SPTLC2: variants seen among roughly 807,000 people sequenced by gnomAD.
SPTLC2 encodes the protein serine palmitoyltransferase 2.
In SPTLC2, 21 loss-of-function variants were observed where a neutral mutation model predicts 62.0. That is an observed-to-expected ratio of 0.34 (90% CI 0.24 to 0.49). The LOEUF (loss-of-function observed/expected upper bound fraction) is 0.49. Ranked by LOEUF, SPTLC2 falls within the 20% of genes least tolerant of loss-of-function variation. The pLI is 0.99. For synonymous variants in SPTLC2, 261 were observed against 261.8 expected (o/e 1.00, Z 0.03); for missense variants, 511 against 713.0 (o/e 0.72, Z 3.23).
Position 77,549,595 on chromosome 14 carries a change from T to C in SPTLC2, c.1303+2501A>G, listed in dbSNP as rs541759106. ...CTCAGTCTTTCCAGACACTTGAGTC[T>C]TCCAGGCCAGCCCCAGACAACAGAG... On this transcript the variant is annotated intron_variant, in intron 9 of 11. Transcript: ENST00000216484. Among the ~76,000 whole-genome samples the C allele has an allele frequency of 2.0e-5, 3 of 152,272 alleles. No individual in the cohort carries two copies. The East Asian group carries it at 5.8e-4, about 29-fold the overall frequency.
chr14:77,578,945 C>A lies in SPTLC2; in HGVS notation c.482+10G>T. 1 of 1,613,840 alleles carries A rather than the reference C, an allele frequency of 6.2e-7. No homozygotes were observed. The highest frequency in any genetic ancestry group is 1.1e-5 in the South Asian group (1 of 91,052). ...AATTGTTGTCAAATAATTTCCCAAC[C>A]AAGACTCACTTGAAGGACCAGTTAT... On this transcript the variant is annotated intron_variant, in intron 3 of 11. Transcript: ENST00000216484.
chr14:77,513,958 T>C (rs569902263), intron 11 of SPTLC2, among the ~76,000 whole-genome samples: 21 of 151,042 alleles, frequency 1.4e-4, no homozygotes, highest in African/African-American at 5.1e-4. Context: ...CACAGCACTT[T>C]GGGAGGCCAA....
intron 11 of SPTLC2, 21 bp downstream of exon 11, chr14:77,518,017 A>T: frequency 6.2e-7 from 1 of 1,614,136 alleles, no homozygotes; most frequent in East Asian, 2.2e-5. Context: ...TATTTATATC[A>T]AGGTGAAAGT....
At chr14:77,577,767 G>A (rs2079724824) in intron 3 of SPTLC2, among the ~76,000 whole-genome samples, 1 of 152,158 alleles carries the variant, frequency 6.6e-6, no homozygotes, top group African/African-American at 2.4e-5. Flanking sequence ...GGGTGTGGTG[G>A]CAGGAGCCTG....
chr14:77,583,976 G>A (rs558390697), intron 2 of SPTLC2, among the ~76,000 whole-genome samples: 9 of 152,162 alleles, frequency 5.9e-5, no homozygotes, highest in Admixed American at 1.3e-4. Flanking sequence ...ATACCTACTC[G>A]CGACTAAATG....
chr14:77,550,657 G>C (rs190309230), intron 9 of SPTLC2, among the ~76,000 whole-genome samples: 1 of 146,358 alleles, frequency 6.8e-6, no homozygotes, highest in Admixed American at 6.8e-5. Context: ...ATTCCAGCAC[G>C]TTGGAAGGCC....
chr14:77,512,325 T>C lies in SPTLC2; in HGVS notation c.1648A>G (p.Arg550Gly), dbSNP rs750807880. The change falls in exon 12 of 12, where the codon AGG becomes GGG. Residue 550 changes from arginine to glycine, a missense_variant. Physicochemically the swap from Arg to Gly is moderately radical, Grantham distance 125. Coordinates refer to ENST00000216484, the MANE Select transcript of SPTLC2 (RefSeq NM_004863.4). ...SRHRLVPLLD[R>G]PFDETTYEET... ...TCATACGTCGTCTCGTCAAAGGGCCTGTCCAGTAGAGGTACCAACCGATGA... is the reference window on the plus strand; with the variant it reads ...TCATACGTCGTCTCGTCAAAGGGCCCGTCCAGTAGAGGTACCAACCGATGA... 1 of 1,614,186 alleles carries C rather than the reference T, an allele frequency of 6.2e-7. No homozygotes were observed. Among genetic ancestry groups the C allele is most frequent in the South Asian group, 1.1e-5 (1 of 91,086 alleles).
At chr14:77,585,675 A>G (rs926506910) in intron 2 of SPTLC2, among the ~76,000 whole-genome samples, 7 of 152,230 alleles carry the variant, frequency 4.6e-5, no homozygotes, top group African/African-American at 1.7e-4. Context: ...GGACAAGTAA[A>G]CCAACTCTAG....
intron 4 of SPTLC2, among the ~76,000 whole-genome samples, chr14:77,573,752 C>A (rs12148048): frequency 0.46 from 69,264 of 151,814 alleles, 15,960 homozygotes; most frequent in Admixed American, 0.51. Flanking sequence ...CTCAGCCTCC[C>A]GAGTGGCTGG....
At chr14:77,527,095 C>CTT (rs11342711) in intron 9 of SPTLC2, among the ~76,000 whole-genome samples, 4 of 136,936 alleles carry the variant, frequency 2.9e-5, no homozygotes, top group East Asian at 2.1e-4. Flanking sequence ...CGCCCGGCCT[C>CTT]TTTTTTTTTT....
At chr14:77,567,333 G>A (rs1339417840) in intron 5 of SPTLC2, among the ~76,000 whole-genome samples, 2 of 152,204 alleles carry the variant, frequency 1.3e-5, no homozygotes, top group Non-Finnish European at 2.9e-5. Flanking sequence ...CTCTGATAGA[G>A]CTTGTAAGCA....
At chr14:77,525,589 C>T (rs1185895190) in intron 9 of SPTLC2, among the ~76,000 whole-genome samples, 6 of 98,380 alleles carry the variant, frequency 6.1e-5, no homozygotes, top group Non-Finnish European at 9.3e-5. Flanking sequence ...AACTCCGTCT[C>T]GAAAAAAAAA....
At chr14:77,566,344 G>A (rs2079644868) in intron 5 of SPTLC2, among the ~76,000 whole-genome samples, 1 of 152,160 alleles carries the variant, frequency 6.6e-6, no homozygotes, top group Admixed American at 6.5e-5. Context: ...CATGTTAAAA[G>A]ATTTAAAAGC....
rs146305239 is a variant in SPTLC2, at chr14:77,529,529, T to C, written c.1304-7948A>G. Among the ~76,000 whole-genome samples, 568 of 151,980 alleles carry C rather than the reference T, an allele frequency of 3.7e-3. 4 individuals are homozygous for C. Among genetic ancestry groups the C allele is most frequent in the Admixed American group, 0.017 (259 of 15,256 alleles). On this transcript the variant is annotated intron_variant, in intron 9 of 11. Transcript: ENST00000216484. ...GGAAGCTCTCAGTACTGACTCCCTT[T>C]AAGCAAAGTGAGTAAAGAAAATAGC...
intron 6 of SPTLC2, among the ~76,000 whole-genome samples, chr14:77,561,749 C>T (rs1358503850): frequency 6.6e-6 from 1 of 152,170 alleles, no homozygotes; most frequent in Non-Finnish European, 1.5e-5. Flanking sequence ...CTTCCATCCA[C>T]GGGTACACAC....
At chr14:77,551,254 C>A (rs1256376752) in intron 9 of SPTLC2, among the ~76,000 whole-genome samples, 1 of 151,496 alleles carries the variant, frequency 6.6e-6, no homozygotes, top group African/African-American at 2.4e-5. Context: ...ATTAGCCGGG[C>A]GTGGTGGCGG....
chr14:77,513,291 C>T (rs189575558), intron 11 of SPTLC2, among the ~76,000 whole-genome samples: 5 of 152,272 alleles, frequency 3.3e-5, no homozygotes, highest in Admixed American at 1.3e-4. Flanking sequence ...GTTAGGATTA[C>T]AGGCATGAGC....
At chr14:77,596,538 C>G (rs1595012874) in intron 2 of SPTLC2, among the ~76,000 whole-genome samples, 1 of 146,432 alleles carries the variant, frequency 6.8e-6, no homozygotes. Context: ...AACAAAAAAC[C>G]CTTCAGAGGT....
At chr14:77,547,720 G>A (rs2079536071) in intron 9 of SPTLC2, 1 of 152,124 alleles carries the variant, frequency 6.6e-6, no homozygotes, top group African/African-American at 2.4e-5. Flanking sequence ...CCCTACTTCT[G>A]GGAGGTCATC....
Sources: gnomAD v4.1 joint callset for allele counts (sites outside exome capture counted in the v4.1 genomes callset) on GRCh38, gnomAD v4.1.1 for gene constraint, MANE v1.5 for transcripts, NCBI Gene and HGNC (gene_info 2026-07-23, HGNC 2026-07-21) for gene names.